Variants in TOP2A observed in about 807,000 individuals in gnomAD.
TOP2A encodes the protein DNA topoisomerase 2-alpha.
Under a neutral mutation model 187.2 loss-of-function variants are expected in TOP2A, and 68 were observed. The ratio of observed to expected loss-of-function variants is 0.36; its 90% CI spans 0.30 to 0.44. The LOEUF (loss-of-function observed/expected upper bound fraction) is 0.44, where lower values mean the gene tolerates loss of function less well. Among genes scored for constraint, TOP2A ranks in the 20% least tolerant of loss-of-function variants. The pLI is 1.00. For missense variants in TOP2A, 1,196 were observed against 1,808.7 expected, an observed-to-expected ratio of 0.66 and a Z score of 6.14; for synonymous variants, 542 against 593.2, an observed-to-expected ratio of 0.91 and a Z score of 1.25.
intron 7 of TOP2A, among the ~76,000 whole-genome samples, chr17:40,412,036 G>GA (rs1002552589): frequency 1.6e-4 from 23 of 144,904 alleles, no homozygotes; most frequent in South Asian, 4.4e-4. Context: ...CTATTAAAAA[G>GA]AAAAAAAAAA....
chr17:40,406,279 C>CTT (rs904115748), intron 16 of TOP2A, 105 bp downstream of exon 16: 11 of 677,600 alleles, frequency 1.6e-5, no homozygotes, highest in African/African-American at 9.2e-5. Context: ...ATAAAACATT[C>CTT]TTTTTTTTTT....
chr17:40,395,326 T>TA (rs2035080109), intron 29 of TOP2A, 123 bp downstream of exon 29: 1 of 390,572 alleles, frequency 2.6e-6, no homozygotes, highest in Non-Finnish European at 4.6e-6. Flanking sequence ...AGAATTGAGA[T>TA]ACAGTCCTCT....
Position 40,406,421 on chromosome 17 carries a change from T to A in TOP2A, c.1916A>T (p.Lys639Ile). The A allele has an allele frequency of 6.2e-7, 1 of 1,613,616 alleles. No individual in the cohort carries two copies. The highest frequency in any genetic ancestry group is 8.5e-7 in the Non-Finnish European group (1 of 1,179,602). Residue 639 changes from lysine to isoleucine, a missense_variant, in exon 16 of 35, where the codon AAA (lysine) becomes ATA (isoleucine). Lys to Ile is a moderately radical substitution (Grantham distance 102, BLOSUM62 -3). Around this residue, in one of 10 missense-constraint regions of TOP2A, gnomAD observed 209 missense variants for 376.9 expected, o/e 0.55. Transcript: ENST00000423485. ...AGCATCATCTTCAGGACCAGAATAT[T>A]TGAACTGGATACGATGTCTTTTCAT... Reference protein sequence around the residue: ...ADMKRHRIQFKYSGPEDDAAI... With the variant: ...ADMKRHRIQFIYSGPEDDAAI...
intron 4 of TOP2A, 112 bp from the exon 5 acceptor site, chr17:40,413,737 G>A (rs905440572): frequency 7.5e-6 from 4 of 536,602 alleles, no homozygotes; most frequent in African/African-American, 5.9e-5. Context: ...GGCTGGGCGC[G>A]GTGGCCTGTG....
intron 11 of TOP2A, among the ~76,000 whole-genome samples, 180 bp downstream of exon 11, chr17:40,408,312 T>C (rs950289776): frequency 4.6e-5 from 7 of 152,188 alleles, no homozygotes; most frequent in Admixed American, 6.5e-5. Flanking sequence ...ACCTCAATAT[T>C]ATTTATAACA....
rs1804538 is a variant in TOP2A at position 40,392,615 on chromosome 17, G to A, written c.3934C>T (p.Pro1312Ser). The change falls in exon 30 of 35, where the codon CCA becomes TCA. Residue 1312 changes from proline to serine, a missense_variant. Transcript: ENST00000423485. ...SSDESNFDVP[P>S]RETEPRRAAT... ...GCTCTCCGTGGCTCTGTTTCTCGTGGAGGGACATCAAAATTACTTTCGTCA... is the reference window on the plus strand; with the variant it reads ...GCTCTCCGTGGCTCTGTTTCTCGTGAAGGGACATCAAAATTACTTTCGTCA... 2 of 1,612,820 alleles carry A rather than the reference G, an allele frequency of 1.2e-6. No individual in the cohort carries two copies. The highest frequency in any genetic ancestry group is 2.2e-5 in the East Asian group (1 of 44,886).
intron 27 of TOP2A, among the ~76,000 whole-genome samples, chr17:40,397,478 GTT>G (rs951680016): frequency 6.6e-6 from 1 of 151,850 alleles, no homozygotes; most frequent in African/African-American, 2.4e-5. Context: ...TAGAGACAGG[GTT>G]TCACCATGTT....
At chr17:40,407,129 T>C (rs147470144) in intron 13 of TOP2A, among the ~76,000 whole-genome samples, 187 bp from the exon 14 acceptor site, 1 of 152,108 alleles carries the variant, frequency 6.6e-6, no homozygotes, top group African/African-American at 2.4e-5. Context: ...TTGGGTGTGG[T>C]GGCATCCGCC....
intron 29 of TOP2A, 33 bp downstream of exon 29, chr17:40,395,416 C>G: frequency 6.9e-7 from 1 of 1,441,368 alleles, no homozygotes; most frequent in Non-Finnish European, 9.6e-7. Context: ...TTAATCTTCA[C>G]TTTATACCAT....
rs2035101362 is a variant in TOP2A at position 40,396,441 on chromosome 17, C to T, written c.3562G>A (p.Asp1188Asn). Reference sequence around the variant, plus strand: ...TTCCCAGGAAGTCCGACTTGTTCATCTTGTTTTTCCTTGGCTTCAACAGCC... The same window carrying T: ...TTCCCAGGAAGTCCGACTTGTTCATTTTGTTTTTCCTTGGCTTCAACAGCC... ...LEAVEAKEKQDEQVGLPGKGG... is the reference protein window; with the variant it reads ...LEAVEAKEKQNEQVGLPGKGG... The change falls in exon 28 of 35, where the codon GAT (aspartate) becomes AAT (asparagine). Residue 1188 changes from aspartate to asparagine, a missense_variant. Physicochemically the swap from Asp to Asn is conservative, Grantham distance 23. This residue lies in a region of TOP2A where 374 missense variants were observed against 403.3 expected (regional missense o/e 0.93). Coordinates refer to ENST00000423485, the MANE Select transcript of TOP2A (RefSeq NM_001067.4). The T allele has an allele frequency of 6.2e-7, 1 of 1,613,626 alleles. No individual in the cohort carries two copies. The highest frequency in any genetic ancestry group is 8.5e-7 in the Non-Finnish European group (1 of 1,179,786).
At chr17:40,397,265 C>T (rs2035112517) in intron 27 of TOP2A, among the ~76,000 whole-genome samples, 1 of 145,808 alleles carries the variant, frequency 6.9e-6, no homozygotes, top group South Asian at 2.1e-4. Flanking sequence ...CTGAAACCAT[C>T]TGGATAGCCC....
intron 4 of TOP2A, among the ~76,000 whole-genome samples, chr17:40,414,152 A>G (rs1424270231): frequency 6.6e-6 from 1 of 152,234 alleles, no homozygotes; most frequent in Non-Finnish European, 1.5e-5. Context: ...GAAATGATTT[A>G]TGCCCAATGG....
At position 40,403,012 on chromosome 17, in the gene TOP2A, C is replaced by T; in HGVS notation, c.2326G>A (p.Val776Met). 1 of 1,601,756 alleles carries T rather than the reference C, an allele frequency of 6.2e-7. No homozygotes were observed. The highest frequency in any genetic ancestry group is 8.5e-7 in the Non-Finnish European group (1 of 1,173,598). Residue 776 changes from valine to methionine, a missense_variant, in exon 20 of 35, where the codon GTG (valine) becomes ATG (methionine). Coordinates refer to ENST00000423485, the MANE Select transcript of TOP2A (RefSeq NM_001067.4). ...MTIINLAQNFVGSNNLNLLQP... is the reference protein window; with the variant it reads ...MTIINLAQNFMGSNNLNLLQP... ...AAGAGGTTTAGATTATTGCTACCCACAAAATTCTGAGCCAAATTGATAATG... is the reference window on the plus strand; with the variant it reads ...AAGAGGTTTAGATTATTGCTACCCATAAAATTCTGAGCCAAATTGATAATG...
chr17:40,408,480 T>C lies in TOP2A; in HGVS notation c.1342+12A>G, dbSNP rs142200344. ...AAGACTTAAAAGTTTGGAAACATTA[T>C]TAAATATATACCTGCATCATTGGCA... is the stretch of plus-strand genomic sequence containing the variant. On this transcript the variant is annotated intron_variant, in intron 11 of 34. Transcript: ENST00000423485. The C allele has an allele frequency of 8.1e-6, 13 of 1,599,298 alleles. No homozygotes were observed. The Admixed American group carries it at 1.4e-4, about 18-fold the overall frequency.
chr17:40,415,361 A>C (rs2035378047), intron 4 of TOP2A, among the ~76,000 whole-genome samples: 1 of 152,150 alleles, frequency 6.6e-6, no homozygotes, highest in Admixed American at 6.6e-5. Context: ...GCCCTAGCTC[A>C]ACATTTTTTA....
At position 40,389,485 on chromosome 17, in the gene TOP2A, G is replaced by T. The variant is rs2143614308; in HGVS notation, c.*34C>A. The stretch of plus-strand genomic sequence containing the variant: ...AACTTTAAAACCAGTCTTGGGCTTG[G>T]TAAGATAATTACTTAAAATAATCGC... On this transcript the variant is annotated 3_prime_UTR_variant, in exon 35 of 35. Transcript: ENST00000423485. 1 of 1,562,312 alleles carries T rather than the reference G, an allele frequency of 6.4e-7. No individual in the cohort carries two copies. The highest frequency in any genetic ancestry group is 8.7e-7 in the Non-Finnish European group (1 of 1,152,138).
At position 40,406,599 on chromosome 17, in the gene TOP2A, C is replaced by T. The variant is rs2035248456; in HGVS notation, c.1828G>A (p.Val610Ile). The T allele has an allele frequency of 1.2e-6, 2 of 1,611,812 alleles. No individual in the cohort carries two copies. The highest frequency in any genetic ancestry group is 3.4e-5 in the Admixed American group (2 of 59,456). The change falls in exon 15 of 35, where the codon GTC (valine) becomes ATC (isoleucine). Residue 610 changes from valine (V) to isoleucine (I), a missense_variant. Val to Ile is a conservative substitution (Grantham distance 29). Transcript: ENST00000423485. ...SSTPNHKKWK[V>I]KYYKGLGTST... ...CATTACAAACCTTTGTAATATTTGA[C>T]TTTCCATTTTTTATGATTTGGAGTA...
At position 40,411,931 on chromosome 17, in the gene TOP2A, G is replaced by A. The variant is rs1293742946; in HGVS notation, c.790-113C>T. ...CAATGATGTTCACTGATAGGCATAA[G>A]GGAATGGTCATTAAAGGACACAGGC... is the stretch of plus-strand genomic sequence containing the variant. On this transcript the variant is annotated intron_variant, in intron 7 of 34. Transcript: ENST00000423485. The surrounding 1 kb of genome is among the most constrained non-coding windows in gnomAD (Gnocchi z 4.4). The A allele has an allele frequency of 2.3e-6, 2 of 887,914 alleles. No homozygotes were observed. Among genetic ancestry groups the A allele is most frequent in the Non-Finnish European group, 3.3e-6 (2 of 607,104 alleles). The allele number at this position is 887,914 out of a possible 1,614,324, so 55.0% of individuals were successfully genotyped here.
chr17:40,403,354 G>A (rs1364481751), intron 19 of TOP2A, among the ~76,000 whole-genome samples: 1 of 152,080 alleles, frequency 6.6e-6, no homozygotes, highest in Middle Eastern at 3.2e-3. Flanking sequence ...TTCTATTCTA[G>A]CATGTATCAC....
Sources: gnomAD v4.1 joint callset for allele counts (sites outside exome capture counted in the v4.1 genomes callset) on GRCh38, gnomAD v4.1.1 for gene constraint, gnomAD v4.1.1 regional missense constraint, Gnocchi (gnomAD v3.1) non-coding constraint, MANE v1.5 for transcripts, NCBI Gene and HGNC (gene_info 2026-07-23, HGNC 2026-07-21) for gene names.